OR51L1: variants seen among roughly 807,000 people sequenced by gnomAD.
The protein encoded by OR51L1 is olfactory receptor family 51 subfamily L member 1.
In OR51L1, 1 loss-of-function variant was observed where a neutral mutation model predicts 1.4. The observed-to-expected ratio is 0.72, with a 90% confidence interval of 0.26 to 3.42. The LOEUF (loss-of-function observed/expected upper bound fraction) is 3.42. Ranked by LOEUF, OR51L1 falls within the 30% of genes most tolerant of loss-of-function variation. The pLI, the probability that OR51L1 is intolerant of heterozygous loss-of-function variation, is 0.20. For missense variants in OR51L1, 378 were observed against 380.0 expected (o/e 0.99, Z 0.04); for synonymous variants, 156 against 144.2 (o/e 1.08, Z -0.59).
At position 5,002,046 on chromosome 11, in the gene OR51L1, T is replaced by C. The variant is rs1471923310; in HGVS notation, c.*2116T>C. The C allele has an allele frequency of 1.3e-5, 2 of 152,180 alleles. No individual in the cohort carries two copies. Among genetic ancestry groups the C allele is most frequent in the African/African-American group, 2.4e-5 (1 of 41,456 alleles). 9.4% of individuals were successfully genotyped at this position (152,180 alleles called of 1,614,324 possible). On this transcript the variant is annotated 3_prime_UTR_variant, in exon 3 of 3. Transcript: ENST00000641819. Reference sequence around the variant, plus strand: ...ATTTAAGAATCAGTAATCAGAGTAGTTGACACTTTCACTGTGCATTGTGAG... The same window carrying C: ...ATTTAAGAATCAGTAATCAGAGTAGCTGACACTTTCACTGTGCATTGTGAG...
rs3066001 is a variant in OR51L1, at chr11:4,998,194, AACACACACACACAC to A, written c.-159-601_-159-588del. ...AAACTATTTAAACTCTTATTTCACA[AACACACACACACAC>A]ACACACACACACACACACACACACA... On this transcript the variant is annotated intron_variant, in intron 2 of 2. Transcript: ENST00000641819. Among the ~76,000 whole-genome samples the A allele has an allele frequency of 9.7e-3, 1,410 of 145,836 alleles. 11 individuals carry two copies. Among genetic ancestry groups the A allele is most frequent in the Middle Eastern group, 0.032 (9 of 284 alleles).
chr11:4,999,258 A>T lies in OR51L1; in HGVS notation c.276A>T (p.Pro92=), dbSNP rs780621507. ...TTGCTGTGTTATGGTTGGATGCTCCAGAGATCCAGGCAAGTGCTTGCTATG... is the reference window on the plus strand; with the variant it reads ...TTGCTGTGTTATGGTTGGATGCTCCTGAGATCCAGGCAAGTGCTTGCTATG... ...TMLAVLWLDA[P]EIQASACYAQ... Residue 92 remains proline, a synonymous_variant, in exon 3 of 3, where the codon CCA becomes CCT. Coordinates refer to ENST00000641819, the MANE Select transcript of OR51L1 (RefSeq NM_001004755.2). The T allele has an allele frequency of 8.1e-6, 13 of 1,614,042 alleles. No homozygotes were observed. The African/African-American group carries it at 1.6e-4, about 20-fold the overall frequency.
Position 4,999,102 on chromosome 11 carries a change from A to G in OR51L1, c.120A>G (p.Ala40=). The stretch of plus-strand genomic sequence containing the variant: ...TCTTCTGTCTTGCATATTTGGTAGC[A>G]TTTATGGGTAATGTTACCATCCTGT... ...SILFCLAYLV[A]FMGNVTILSV... Residue 40 remains alanine (A), a synonymous_variant, in exon 3 of 3, where the codon GCA becomes GCG. Coordinates refer to ENST00000641819, the MANE Select transcript of OR51L1 (RefSeq NM_001004755.2). The G allele has an allele frequency of 1.2e-6, 2 of 1,614,118 alleles. No individual in the cohort carries two copies. The highest frequency in any genetic ancestry group is 1.7e-6 in the Non-Finnish European group (2 of 1,180,004).
Position 4,999,611 on chromosome 11 carries a change from G to A in OR51L1, c.629G>A (p.Gly210Asp). Residue 210 changes from glycine (G) to aspartate (D), a missense_variant, in exon 3 of 3, where the codon GGT (glycine) becomes GAT (aspartate). Transcript: ENST00000641819. ...CTTTGTGTAGTCATTGCCACACTAGGTGTGGATTCAATCTTCATACTTCTT... is the reference window on the plus strand; with the variant it reads ...CTTTGTGTAGTCATTGCCACACTAGATGTGGATTCAATCTTCATACTTCTT... Reference protein sequence around the residue: ...YGLCVVIATLGVDSIFILLSY... With the variant: ...YGLCVVIATLDVDSIFILLSY... The A allele has an allele frequency of 6.2e-7, 1 of 1,613,918 alleles. No individual in the cohort carries two copies. The highest frequency in any genetic ancestry group is 8.5e-7 in the Non-Finnish European group (1 of 1,179,902).
At position 4,999,861 on chromosome 11, in the gene OR51L1, C is replaced by T. The variant is rs758543882; in HGVS notation, c.879C>T (p.Val293=). ...TTCCCCCAGTCCTTAACCCTATTGT[C>T]TATAGTGTCAGAACAAAGCAGATTC... ...LLLPPVLNPI[V]YSVRTKQIRL... is the part of the protein sequence containing the mutation. The change falls in exon 3 of 3, where the codon GTC becomes GTT. Residue 293 remains valine (V), a synonymous_variant. Coordinates refer to ENST00000641819, the MANE Select transcript of OR51L1 (RefSeq NM_001004755.2). 1.9e-6 allele frequency: 3 copies of T among 1,613,930 alleles called. No individual in the cohort carries two copies. Among genetic ancestry groups the T allele is most frequent in the Non-Finnish European group, 2.5e-6 (3 of 1,179,902 alleles).
Position 5,001,438 on chromosome 11 carries a change from T to C in OR51L1, c.*1508T>C, listed in dbSNP as rs2133662792. On this transcript the variant is annotated 3_prime_UTR_variant, in exon 3 of 3. Transcript: ENST00000641819. ...TGAAGAAAGCCTGACAGTACATGTC[T>C]AACCATCTGGGCAATTGTGTTGACT... The C allele has an allele frequency of 6.6e-6, 1 of 152,210 alleles. No homozygotes were observed. Among genetic ancestry groups the C allele is most frequent in the East Asian group, 1.9e-4 (1 of 5,196 alleles). The allele number at this position is 152,210 out of a possible 1,614,324, so 9.4% of individuals were successfully genotyped here. A position where few individuals can be genotyped will look rare whatever the true frequency, so the allele number is the denominator to read the frequency against.
Position 4,999,969 on chromosome 11 carries a change from T to G in OR51L1, c.*39T>G. ...TCCAACTTTTCCACTGAAAATCTCA[T>G]GGAAGCTGTTTTAGTATATGAAAAG... On this transcript the variant is annotated 3_prime_UTR_variant, in exon 3 of 3. Transcript: ENST00000641819. The G allele has an allele frequency of 6.5e-7, 1 of 1,547,310 alleles. No homozygotes were observed. Among genetic ancestry groups the G allele is most frequent in the Non-Finnish European group, 8.7e-7 (1 of 1,149,756 alleles).
chr11:4,998,326 C>T (rs1454206057), intron 2 of OR51L1, among the ~76,000 whole-genome samples: 1 of 151,572 alleles, frequency 6.6e-6, no homozygotes, highest in Non-Finnish European at 1.5e-5. Context: ...CAGCTCAAAA[C>T]TGTGTTGGTT....
chr11:4,999,611 G>C lies in OR51L1; in HGVS notation c.629G>C (p.Gly210Ala), dbSNP rs749886862. The change falls in exon 3 of 3, where the codon GGT (glycine) becomes GCT (alanine). Residue 210 changes from glycine (G) to alanine (A), a missense_variant. Physicochemically the swap from Gly to Ala is moderately conservative, Grantham distance 60. Coordinates refer to ENST00000641819, the MANE Select transcript of OR51L1 (RefSeq NM_001004755.2). ...YGLCVVIATL[G>A]VDSIFILLSY... ...CTTTGTGTAGTCATTGCCACACTAG[G>C]TGTGGATTCAATCTTCATACTTCTT... 1 of 1,613,918 alleles carries C rather than the reference G, an allele frequency of 6.2e-7. No homozygotes were observed. The highest frequency in any genetic ancestry group is 8.5e-7 in the Non-Finnish European group (1 of 1,179,902).
At chr11:4,998,194 A>AACAC (rs3066001) in intron 2 of OR51L1, among the ~76,000 whole-genome samples, 214 of 145,878 alleles carry the variant, frequency 1.5e-3, no homozygotes, top group East Asian at 8.0e-3. Context: ...TTATTTCACA[A>AACAC]ACACACACAC....
Position 4,999,602 on chromosome 11 carries a change from C to T in OR51L1, c.620C>T (p.Ala207Val), listed in dbSNP as rs10768450. The T allele has an allele frequency of 0.28, 457,768 of 1,611,360 alleles. 67,599 individuals carry two copies. Among genetic ancestry groups the T allele is most frequent in the African/African-American group, 0.31 (23,086 of 74,744 alleles). ...NSIYGLCVVIATLGVDSIFIL... is the reference protein window; with the variant it reads ...NSIYGLCVVIVTLGVDSIFIL... ...ATTTATGGGCTTTGTGTAGTCATTGCCACACTAGGTGTGGATTCAATCTTC... is the reference window on the plus strand; with the variant it reads ...ATTTATGGGCTTTGTGTAGTCATTGTCACACTAGGTGTGGATTCAATCTTC... The change falls in exon 3 of 3, where the codon GCC becomes GTC. Residue 207 changes from alanine to valine, a missense_variant. By Grantham distance (64) the Ala-to-Val change is moderately conservative. Coordinates refer to ENST00000641819, the MANE Select transcript of OR51L1 (RefSeq NM_001004755.2).
rs541013550 is a variant in OR51L1 at position 4,995,957 on chromosome 11, C to T, written c.-262+622C>T. On this transcript the variant is annotated intron_variant, in intron 1 of 2. Coordinates refer to ENST00000641819, the MANE Select transcript of OR51L1 (RefSeq NM_001004755.2). ...GGGGGCCCGGGTAGTGGAGGAAATG[C>T]GGAAAAGTAGCTCAAAGCATACAAA... Among the ~76,000 whole-genome samples, 13 of 151,928 alleles carry T rather than the reference C, an allele frequency of 8.6e-5. No homozygotes were observed. The South Asian group carries it at 1.0e-3, about 12-fold the overall frequency.
Position 5,001,418 on chromosome 11 carries a change from A to C in OR51L1, c.*1488A>C, listed in dbSNP as rs747277639. On this transcript the variant is annotated 3_prime_UTR_variant, in exon 3 of 3. Coordinates refer to ENST00000641819, the MANE Select transcript of OR51L1 (RefSeq NM_001004755.2). ...TACTCAGTTACAGGAATTGTTGAAG[A>C]AAGCCTGACAGTACATGTCTAACCA... 2.0e-5 allele frequency: 3 copies of C among 152,204 alleles called. No homozygotes were observed. The highest frequency in any genetic ancestry group is 2.9e-5 in the Non-Finnish European group (2 of 68,028). 9.4% of individuals were successfully genotyped at this position (152,204 alleles called of 1,614,324 possible). A position where few individuals can be genotyped will look rare whatever the true frequency, so the allele number is the denominator to read the frequency against.
At chr11:4,996,706 CCTTCCTTT>C (rs1230620604) in intron 1 of OR51L1, among the ~76,000 whole-genome samples, 20 of 110,652 alleles carry the variant, frequency 1.8e-4, no homozygotes, top group African/African-American at 6.4e-4. Flanking sequence ...TCTTTTCCTT[CCTTCCTTT>C]CTTTTCTTTT....
rs1420034833 is a variant in OR51L1 at position 5,005,279 on chromosome 11, A to G, written c.*5349A>G. Reference sequence around the variant, plus strand: ...TCTTCACCTACCCAGAGACGACTACATGATTGAGTCTTCCTTTACTCCCTT... The same window carrying G: ...TCTTCACCTACCCAGAGACGACTACGTGATTGAGTCTTCCTTTACTCCCTT... On this transcript the variant is annotated 3_prime_UTR_variant, in exon 3 of 3. Transcript: ENST00000641819. 1 of 152,214 alleles carries G rather than the reference A, an allele frequency of 6.6e-6. No homozygotes were observed. The highest frequency in any genetic ancestry group is 2.4e-5 in the African/African-American group (1 of 41,460). 9.4% of individuals were successfully genotyped at this position (152,214 alleles called of 1,614,324 possible). A position where few individuals can be genotyped will look rare whatever the true frequency, so the allele number is the denominator to read the frequency against.
intron 1 of OR51L1, among the ~76,000 whole-genome samples, chr11:4,996,729 C>CT (rs1277468095): frequency 1.8e-5 from 2 of 113,656 alleles, no homozygotes; most frequent in South Asian, 5.9e-4. Flanking sequence ...TCTTTTCTTT[C>CT]TTTCTTTCTT....
chr11:4,996,144 G>A (rs1432164311), intron 1 of OR51L1, among the ~76,000 whole-genome samples: 1 of 151,852 alleles, frequency 6.6e-6, no homozygotes, highest in Non-Finnish European at 1.5e-5. Context: ...TTTAAGTGAG[G>A]GATAAACCAA....
intron 1 of OR51L1, among the ~76,000 whole-genome samples, chr11:4,996,459 CTGCACATAGGGGACT>C (rs1847069447): frequency 6.6e-6 from 1 of 152,122 alleles, no homozygotes; most frequent in South Asian, 2.1e-4. Flanking sequence ...ACATCGCAAT[CTGCACATAGGGGACT>C]TGCACATAAA....
rs1436683519 is a variant in OR51L1, at chr11:5,000,158, T to C, written c.*228T>C. The stretch of plus-strand genomic sequence containing the variant: ...CCCCAGGTCATTACAAGACTTATAA[T>C]AGAAAATGTATGTGCTAAGTCAAGT... On this transcript the variant is annotated 3_prime_UTR_variant, in exon 3 of 3. Coordinates refer to ENST00000641819, the MANE Select transcript of OR51L1 (RefSeq NM_001004755.2). 2 of 413,718 alleles carry C rather than the reference T, an allele frequency of 4.8e-6. No homozygotes were observed. The highest frequency in any genetic ancestry group is 4.0e-5 in the African/African-American group (2 of 50,262). 25.6% of individuals were successfully genotyped at this position (413,718 alleles called of 1,614,324 possible). A position where few individuals can be genotyped will look rare whatever the true frequency, so the allele number is the denominator to read the frequency against.
Sources: allele counts gnomAD v4.1 joint callset (sites outside exome capture counted in the v4.1 genomes callset), GRCh38; gene constraint gnomAD v4.1.1; transcripts MANE v1.5; gene names NCBI Gene and HGNC (gene_info 2026-07-23, HGNC 2026-07-21).